Variants in SNX29 observed in about 807,000 individuals in gnomAD.
SNX29 encodes sorting nexin 29.
In SNX29, 78 loss-of-function variants were observed where a neutral mutation model predicts 102.1. The ratio of observed to expected loss-of-function variants is 0.76; its 90% CI spans 0.64 to 0.92. The LOEUF is 0.92. SNX29 is among the 40% of genes least tolerant of loss of function. SNX29 has a pLI of 0.00. For synonymous variants in SNX29, 580 were observed against 414.5 expected (o/e 1.40, Z -4.85); for missense variants, 1,280 against 1,061.7 (o/e 1.21, Z -2.86).
chr16:12,353,617 C>T (rs1025650981), intron 15 of SNX29, among the ~76,000 whole-genome samples: 1 of 152,178 alleles, frequency 6.6e-6, no homozygotes, highest in African/African-American at 2.4e-5. Context: ...CCTCTGGTGC[C>T]GGCATTTGCA....
chr16:12,450,716 C>T (rs1288226895), intron 18 of SNX29, among the ~76,000 whole-genome samples: 1 of 152,160 alleles, frequency 6.6e-6, no homozygotes, highest in Non-Finnish European at 1.5e-5. Flanking sequence ...TGCTGAAGAG[C>T]TTGGGCATTG....
chr16:12,432,968 G>C (rs62028396), intron 18 of SNX29, among the ~76,000 whole-genome samples: 5,981 of 152,298 alleles, frequency 0.039, 290 homozygotes, highest in East Asian at 0.28. Flanking sequence ...TGCCGGGCCT[G>C]GGCCATGGCA....
At chr16:12,444,447 A>T (rs1187205892) in intron 18 of SNX29, among the ~76,000 whole-genome samples, 1 of 152,236 alleles carries the variant, frequency 6.6e-6, no homozygotes, top group Admixed American at 6.5e-5. Flanking sequence ...CTGAGCCTGC[A>T]GCCTCATCTG....
At chr16:12,128,327 T>A (rs898359730) in intron 12 of SNX29, among the ~76,000 whole-genome samples, 2 of 152,220 alleles carry the variant, frequency 1.3e-5, no homozygotes, top group South Asian at 4.1e-4. Context: ...AATTATACCA[T>A]GTTTTTGTCA....
intron 20 of SNX29, among the ~76,000 whole-genome samples, chr16:12,563,924 A>C (rs1490483959): frequency 2.6e-5 from 4 of 152,174 alleles, no homozygotes; most frequent in East Asian, 1.9e-4. Flanking sequence ...AAGACCTACA[A>C]TACCTAGACG....
intron 13 of SNX29, among the ~76,000 whole-genome samples, chr16:12,152,545 C>T (rs2055344826): frequency 6.6e-6 from 1 of 152,196 alleles, no homozygotes; most frequent in South Asian, 2.1e-4. Flanking sequence ...CTTCTCTGAA[C>T]CCCAGATTCA....
chr16:12,195,490 C>CT (rs1250106965), intron 13 of SNX29, among the ~76,000 whole-genome samples: 1 of 152,116 alleles, frequency 6.6e-6, no homozygotes, highest in Non-Finnish European at 1.5e-5. Context: ...TATGAGATGC[C>CT]TAAGGGGGTT....
chr16:12,306,206 G>T (rs1449219566), intron 15 of SNX29, among the ~76,000 whole-genome samples: 1 of 152,134 alleles, frequency 6.6e-6, no homozygotes, highest in Non-Finnish European at 1.5e-5. Flanking sequence ...CTGTCAACTG[G>T]AATGGCTTTG....
At chr16:12,462,773 C>A (rs944616417) in intron 18 of SNX29, among the ~76,000 whole-genome samples, 1 of 152,194 alleles carries the variant, frequency 6.6e-6, no homozygotes, top group African/African-American at 2.4e-5. Context: ...GCCTGCTCTA[C>A]CTTCACAGGG....
chr16:12,397,253 T>C (rs1597228702), intron 16 of SNX29, among the ~76,000 whole-genome samples: 1 of 152,378 alleles, frequency 6.6e-6, no homozygotes, highest in East Asian at 1.9e-4. Flanking sequence ...TCTTCATTTC[T>C]TCTTGAAGCC....
At chr16:12,074,640 G>T (rs1382179664) in intron 10 of SNX29, among the ~76,000 whole-genome samples, 1 of 152,046 alleles carries the variant, frequency 6.6e-6, no homozygotes, top group Admixed American at 6.6e-5. Context: ...ACAATTATGT[G>T]TCTTGGAGTT....
intron 15 of SNX29, among the ~76,000 whole-genome samples, chr16:12,312,122 C>T (rs1464131217): frequency 6.6e-6 from 1 of 152,216 alleles, no homozygotes; most frequent in African/African-American, 2.4e-5. Flanking sequence ...CTTTATCTTG[C>T]AGCCTTGTGT....
intron 19 of SNX29, among the ~76,000 whole-genome samples, chr16:12,479,830 T>A (rs1394640726): frequency 6.6e-6 from 1 of 152,196 alleles, no homozygotes; most frequent in African/African-American, 2.4e-5. Context: ...TCTGCCTGTG[T>A]CTTGTGCTAA....
intron 1 of SNX29, among the ~76,000 whole-genome samples, chr16:11,995,359 G>A (rs2056025417): frequency 6.6e-6 from 1 of 152,120 alleles, no homozygotes; most frequent in African/African-American, 2.4e-5. Context: ...GAGCCACTGT[G>A]CCTGGCTGAC....
At chr16:11,994,778 C>T (rs577935012) in intron 1 of SNX29, among the ~76,000 whole-genome samples, 1 of 152,286 alleles carries the variant, frequency 6.6e-6, no homozygotes, top group South Asian at 2.1e-4. Context: ...GTACTCTCCA[C>T]TGGATTCAAA....
intron 3 of SNX29, among the ~76,000 whole-genome samples, chr16:12,026,758 TATA>T (rs1321382858): frequency 1.3e-5 from 2 of 152,238 alleles, no homozygotes; most frequent in Non-Finnish European, 2.9e-5. Flanking sequence ...TGTAATCTCA[TATA>T]ATCTCTTTAG....
intron 18 of SNX29, among the ~76,000 whole-genome samples, chr16:12,434,565 C>A (rs2085451502): frequency 6.6e-6 from 1 of 152,094 alleles, no homozygotes; most frequent in South Asian, 2.1e-4. Flanking sequence ...TAAACTGTGT[C>A]CTGAAACAGC....
At chr16:12,447,584 G>A (rs2086120136) in intron 18 of SNX29, among the ~76,000 whole-genome samples, 1 of 152,162 alleles carries the variant, frequency 6.6e-6, no homozygotes, top group African/African-American at 2.4e-5. Context: ...GTTCTCCTAG[G>A]TCTTACAGCA....
In SNX29 at chr16:12,568,858, A is replaced by AC; in HGVS notation, c.*230dup. On this transcript the variant is annotated 3_prime_UTR_variant, in exon 21 of 21. Coordinates refer to ENST00000566228, the MANE Select transcript of SNX29 (RefSeq NM_032167.5). ...AGCACCTCGCTGGAGAGACTGGGAC[A>AC]CACAGTCCTTCTGCTTCTGGGGTCT... 1 of 632,404 alleles carries AC rather than the reference A, an allele frequency of 1.6e-6. No homozygotes were observed. The allele number at this position is 632,404 out of a possible 1,614,324, so 39.2% of individuals were successfully genotyped here.
Sources: gnomAD v4.1 joint callset for allele counts (sites outside exome capture counted in the v4.1 genomes callset) on GRCh38, gnomAD v4.1.1 for gene constraint, MANE v1.5 for transcripts, NCBI Gene and HGNC (gene_info 2026-07-23, HGNC 2026-07-21) for gene names.